TAS2R1: variants seen among roughly 807,000 people sequenced by gnomAD.
TAS2R1 encodes the protein taste 2 receptor member 1.
For missense variants in TAS2R1, 370 were observed against 353.4 expected, an observed-to-expected ratio of 1.05 and a Z score of -0.38; for synonymous variants, 141 against 134.2, an observed-to-expected ratio of 1.05 and a Z score of -0.35.
intron 2 of TAS2R1, chr5:9,658,872 G>A (rs1194667535): frequency 1.3e-5 from 2 of 152,102 alleles, no homozygotes; most frequent in Non-Finnish European, 1.5e-5. Context: ...AGCACAACAC[G>A]GTCTTTTAAT....
At chr5:9,798,678 T>C in the TAS2R1 span, among the ~76,000 whole-genome samples, 2 of 152,220 alleles carry the variant, frequency 1.3e-5, no homozygotes, top group East Asian at 1.9e-4. Context: ...GAAGAGCAGA[T>C]GGCCACAACT....
intron 1 of TAS2R1, among the ~76,000 whole-genome samples, chr5:9,690,973 G>A (rs749637458): frequency 3.9e-5 from 6 of 152,114 alleles, no homozygotes; most frequent in African/African-American, 7.2e-5. Flanking sequence ...GGCCTCACTC[G>A]ACAAAGTGTG....
chr5:9,788,768 A>G, the TAS2R1 span, among the ~76,000 whole-genome samples: 1 of 152,242 alleles, frequency 6.6e-6, no homozygotes, highest in Admixed American at 6.5e-5. Flanking sequence ...GGGGTATTTT[A>G]GAAAAGAATA....
the TAS2R1 span, among the ~76,000 whole-genome samples, chr5:9,788,055 G>A: frequency 6.6e-6 from 1 of 152,218 alleles, no homozygotes; most frequent in Non-Finnish European, 1.5e-5. Context: ...AAGTGAGGTT[G>A]TGCCAGAATC....
chr5:9,633,294 TTA>T (rs200096603), upstream of TAS2R1, among the ~76,000 whole-genome samples: 242 of 67,594 alleles, frequency 3.6e-3, 10 homozygotes, highest in South Asian at 0.017. Context: ...TGTGTGTATA[TTA>T]TATATATATA....
At chr5:9,817,203 T>C in the TAS2R1 span, among the ~76,000 whole-genome samples, 1 of 152,198 alleles carries the variant, frequency 6.6e-6, no homozygotes, top group Non-Finnish European at 1.5e-5. Context: ...AGGTTTAATA[T>C]CTGTAAAAAC....
the TAS2R1 span, among the ~76,000 whole-genome samples, chr5:9,823,373 T>C: frequency 6.6e-6 from 1 of 151,932 alleles, no homozygotes; most frequent in Non-Finnish European, 1.5e-5. Context: ...TATCTACTCA[T>C]ATGCTTTATA....
chr5:9,640,449 C>A (rs2126480419), intron 2 of TAS2R1, among the ~76,000 whole-genome samples: 1 of 143,534 alleles, frequency 7.0e-6, no homozygotes, highest in East Asian at 2.0e-4. Context: ...GGAAAAATGA[C>A]CCCGATAAAC....
the TAS2R1 span, among the ~76,000 whole-genome samples, chr5:9,870,532 T>A: frequency 1.3e-5 from 2 of 152,212 alleles, no homozygotes; most frequent in East Asian, 3.8e-4. Context: ...CCAATAAGAC[T>A]TTATTGAACA....
At chr5:9,892,744 C>T in the TAS2R1 span, among the ~76,000 whole-genome samples, 1 of 152,172 alleles carries the variant, frequency 6.6e-6, no homozygotes, top group Non-Finnish European at 1.5e-5. Context: ...ATTGGAACTT[C>T]CCCTCCCTGA....
rs533610076 is a variant in TAS2R1 at position 9,671,256 on chromosome 5, G to A, written c.-241-11675C>T. On this transcript the variant is annotated intron_variant, in intron 1 of 2. Transcript: ENST00000506620. ...CAAGACAAGGATTTCAACTCTCACC[G>A]CTCCTATTCAACACAGTACTGAAAA... is the stretch of plus-strand genomic sequence containing the variant. Among the ~76,000 whole-genome samples, 15 of 151,996 alleles carry A rather than the reference G, an allele frequency of 9.9e-5. No individual in the cohort carries two copies. In the South Asian group the frequency reaches 1.0e-3, roughly 11 times the overall value.
chr5:9,842,872 T>G, the TAS2R1 span, among the ~76,000 whole-genome samples: 1 of 152,100 alleles, frequency 6.6e-6, no homozygotes, highest in Non-Finnish European at 1.5e-5. Flanking sequence ...TTTGATAGCT[T>G]TCTACTCAGC....
At chr5:9,651,010 G>A (rs528388800) in intron 2 of TAS2R1, among the ~76,000 whole-genome samples, 19 of 152,248 alleles carry the variant, frequency 1.2e-4, no homozygotes, top group African/African-American at 4.3e-4. Flanking sequence ...AGATTGGCAG[G>A]GAAGTAATTC....
chr5:9,678,485 T>C (rs1367171722), intron 1 of TAS2R1, among the ~76,000 whole-genome samples: 1 of 152,200 alleles, frequency 6.6e-6, no homozygotes, highest in Non-Finnish European at 1.5e-5. Context: ...TGCATGCATA[T>C]GTTCATTGCA....
the TAS2R1 span, among the ~76,000 whole-genome samples, chr5:9,859,501 C>T: frequency 6.6e-6 from 1 of 152,098 alleles, no homozygotes; most frequent in South Asian, 2.1e-4. Context: ...GATATAAGTG[C>T]CCCAGATGGT....
At chr5:9,856,917 T>C in the TAS2R1 span, among the ~76,000 whole-genome samples, 1 of 152,300 alleles carries the variant, frequency 6.6e-6, no homozygotes, top group Non-Finnish European at 1.5e-5. Flanking sequence ...ATAAAGAATA[T>C]ATGGTATATA....
the TAS2R1 span, among the ~76,000 whole-genome samples, chr5:9,861,481 A>C: frequency 1.3e-5 from 2 of 152,338 alleles, no homozygotes; most frequent in South Asian, 4.1e-4. Context: ...GTTCAATAAA[A>C]TAGGGTGCTA....
chr5:9,637,172 T>C (rs1004274566), intron 2 of TAS2R1, among the ~76,000 whole-genome samples: 2 of 152,210 alleles, frequency 1.3e-5, no homozygotes, highest in South Asian at 2.1e-4. Flanking sequence ...ACTTTATCTG[T>C]CCTTCATTTA....
the TAS2R1 span, among the ~76,000 whole-genome samples, chr5:9,734,910 C>T: frequency 1.3e-5 from 2 of 151,326 alleles, no homozygotes; most frequent in African/African-American, 2.5e-5. Flanking sequence ...TAACTGTATT[C>T]GTTTGTTCTC....
Sources: gnomAD v4.1 joint callset for allele counts (sites outside exome capture counted in the v4.1 genomes callset) on GRCh38, gnomAD v4.1.1 for gene constraint, MANE v1.5 for transcripts, NCBI Gene and HGNC (gene_info 2026-07-23, HGNC 2026-07-21) for gene names.